CAPN2: variants seen among roughly 807,000 people sequenced by gnomAD.
CAPN2 encodes the protein calpain 2.
A neutral mutation model predicts 102.3 loss-of-function variants in CAPN2; 92 were observed. The observed-to-expected ratio is 0.90, with a 90% CI of 0.76 to 1.07. The LOEUF (loss-of-function observed/expected upper bound fraction) is 1.07. CAPN2 is among the 50% of genes least tolerant of loss of function. The pLI is 0.00. For missense variants in CAPN2, 800 were observed against 909.4 expected, an observed-to-expected ratio of 0.88 and a Z score of 1.55; for synonymous variants, 340 against 355.4, an observed-to-expected ratio of 0.96 and a Z score of 0.49.
rs1336568484 is a variant in CAPN2 at position 223,752,889 on chromosome 1, G to T, written c.1068G>T (p.Trp356Cys). 6.2e-7 allele frequency: 1 copy of T among 1,614,164 alleles called. No individual in the cohort carries two copies. Among genetic ancestry groups the T allele is most frequent in the African/African-American group, 1.3e-5 (1 of 75,028 alleles). The change falls in exon 9 of 21, where the codon TGG becomes TGT. Residue 356 changes from tryptophan (W) to cysteine (C), a missense_variant. Physicochemically the swap from Trp to Cys is radical, Grantham distance 215. Coordinates refer to ENST00000295006, the MANE Select transcript of CAPN2 (RefSeq NM_001748.5). The stretch of plus-strand genomic sequence containing the variant: ...TCACCAGCGATACCTACAAGAAGTG[G>T]AAACTCACCAAAATGGATGGGAACT... Reference protein sequence around the residue: ...DTLTSDTYKKWKLTKMDGNWR... With the variant: ...DTLTSDTYKKCKLTKMDGNWR...
intron 5 of CAPN2, among the ~76,000 whole-genome samples, chr1:223,748,664 CCT>C (rs1004575598): frequency 6.0e-5 from 9 of 149,148 alleles, no homozygotes; most frequent in African/African-American, 2.3e-4. Context: ...CCCCTCCGGC[CCT>C]CTCTCGGCCG....
chr1:223,717,139 A>T (rs1031887033), intron 1 of CAPN2, among the ~76,000 whole-genome samples: 1 of 152,202 alleles, frequency 6.6e-6, no homozygotes, highest in Non-Finnish European at 1.5e-5. Flanking sequence ...GGAAGAATTC[A>T]AAAGGGTTAG....
intron 2 of CAPN2, among the ~76,000 whole-genome samples, chr1:223,730,709 G>A (rs1489372298): frequency 6.6e-6 from 1 of 152,136 alleles, no homozygotes; most frequent in Non-Finnish European, 1.5e-5. Flanking sequence ...AGGATAAAAT[G>A]AGGCATGACG....
intron 14 of CAPN2, among the ~76,000 whole-genome samples, chr1:223,763,277 C>T (rs1225200851): frequency 1.3e-5 from 2 of 152,166 alleles, no homozygotes; most frequent in South Asian, 2.1e-4. Context: ...CTGGTACTCC[C>T]TTCGCTGACC....
At chr1:223,752,160 G>A in intron 8 of CAPN2, 89 bp downstream of exon 8, 1 of 924,940 alleles carries the variant, frequency 1.1e-6, no homozygotes, top group Admixed American at 2.1e-5. Context: ...GTCGGCCAAA[G>A]TGAGTTTACC....
intron 20 of CAPN2, among the ~76,000 whole-genome samples, chr1:223,773,600 G>A (rs757562472): frequency 6.6e-5 from 10 of 152,104 alleles, no homozygotes; most frequent in African/African-American, 9.7e-5. Context: ...AGGCTGAAGC[G>A]AAAGGATTGC....
intron 20 of CAPN2, chr1:223,772,987 G>A (rs1661522190): frequency 6.6e-6 from 1 of 152,258 alleles, no homozygotes; most frequent in African/African-American, 2.4e-5. Flanking sequence ...GACACTGGGT[G>A]AGAATGGCAG....
At chr1:223,719,208 T>G (rs1659962195) in intron 2 of CAPN2, among the ~76,000 whole-genome samples, 1 of 152,232 alleles carries the variant, frequency 6.6e-6, no homozygotes, top group East Asian at 1.9e-4. Context: ...GAAAATGGAA[T>G]TGATGGAAAC....
chr1:223,746,160 A>T (rs551335267), intron 4 of CAPN2, among the ~76,000 whole-genome samples: 10 of 152,224 alleles, frequency 6.6e-5, no homozygotes, highest in South Asian at 4.2e-4. Flanking sequence ...TACAGTCCCA[A>T]TCCAGGAAGG....
chr1:223,732,149 C>A lies in CAPN2; in HGVS notation c.308-11951C>A, dbSNP rs2102785962. 2.0e-5 allele frequency among the ~76,000 whole-genome samples: 3 copies of A among 152,158 alleles called. No homozygotes were observed. The Middle Eastern group carries it at 0.01, about 518-fold the overall frequency. ...GTGGAGACCTCTAGACGCTCAGGCC[C>A]AGGTCATAAACATGCCTCTCCATAC... is the stretch of plus-strand genomic sequence containing the variant. On this transcript the variant is annotated intron_variant, in intron 2 of 20. Coordinates refer to ENST00000295006, the MANE Select transcript of CAPN2 (RefSeq NM_001748.5).
intron 2 of CAPN2, among the ~76,000 whole-genome samples, chr1:223,721,376 T>C (rs1279648541): frequency 1.3e-5 from 2 of 152,224 alleles, no homozygotes; most frequent in African/African-American, 4.8e-5. Context: ...GAGCTGCTCC[T>C]ACCTCTGATG....
At position 223,727,350 on chromosome 1, in the gene CAPN2, T is replaced by C. The variant is rs1469725206; in HGVS notation, c.307+9519T>C. 1.3e-5 allele frequency among the ~76,000 whole-genome samples: 2 copies of C among 152,212 alleles called. No homozygotes were observed. Among genetic ancestry groups the C allele is most frequent in the African/African-American group, 2.4e-5 (1 of 41,458 alleles). On this transcript the variant is annotated intron_variant, in intron 2 of 20. Coordinates refer to ENST00000295006, the MANE Select transcript of CAPN2 (RefSeq NM_001748.5). This position sits in a 1 kb window ranked among gnomAD's most constrained non-coding sequence, Gnocchi z 4.1. ...TTGTAGGGGGCTGTCCTGTGAATTA[T>C]AGGATGTTTAGCTGCATCCTTGGCC...
At chr1:223,757,112 T>G (rs1351637523) in intron 10 of CAPN2, among the ~76,000 whole-genome samples, 1 of 152,240 alleles carries the variant, frequency 6.6e-6, no homozygotes, top group Admixed American at 6.5e-5. Context: ...CTTTGCCACC[T>G]TAGACAAGTC....
At chr1:223,752,680 T>C (rs1153964) in intron 8 of CAPN2, 116 bp from the exon 9 acceptor site, 34,484 of 920,850 alleles carry the variant, frequency 0.037, 3,708 homozygotes, top group African/African-American at 0.3. Context: ...ATCCACTCAG[T>C]TCTAATGAGC....
rs533729476 is a variant in CAPN2, at chr1:223,731,637, C to T, written c.308-12463C>T. ...CTCTAGACTGAGTACAGGCCTGGCA[C>T]GGAGCCAGGAATGCACCAACAAGGA... On this transcript the variant is annotated intron_variant, in intron 2 of 20. Transcript: ENST00000295006. The surrounding 1 kb of genome is among the most constrained non-coding windows in gnomAD (Gnocchi z 4.2). 2.0e-5 allele frequency among the ~76,000 whole-genome samples: 3 copies of T among 152,296 alleles called. No homozygotes were observed. Among genetic ancestry groups the T allele is most frequent in the Non-Finnish European group, 2.9e-5 (2 of 68,030 alleles).
At chr1:223,723,242 A>G (rs1660102645) in intron 2 of CAPN2, among the ~76,000 whole-genome samples, 1 of 152,144 alleles carries the variant, frequency 6.6e-6, no homozygotes, top group Non-Finnish European at 1.5e-5. Flanking sequence ...TGAGCCCAGG[A>G]GGTAGAAGCT....
chr1:223,750,611 A>T (rs1660862659), intron 6 of CAPN2, among the ~76,000 whole-genome samples: 1 of 152,228 alleles, frequency 6.6e-6, no homozygotes, highest in African/African-American at 2.4e-5. Flanking sequence ...AGTTAAGCTG[A>T]AGTTCAGAGA....
chr1:223,755,359 T>C lies in CAPN2; in HGVS notation c.1136-121T>C. Reference sequence around the variant, plus strand: ...CCACCTCTTACCATCTCCCACCACCTCCCACCATCTCCCTTTATCTCCATC... The same window carrying C: ...CCACCTCTTACCATCTCCCACCACCCCCCACCATCTCCCTTTATCTCCATC... On this transcript the variant is annotated intron_variant, in intron 9 of 20. Coordinates refer to ENST00000295006, the MANE Select transcript of CAPN2 (RefSeq NM_001748.5). The surrounding 1 kb of genome is among the most constrained non-coding windows in gnomAD (Gnocchi z 4.1). 1 of 915,384 alleles carries C rather than the reference T, an allele frequency of 1.1e-6. No homozygotes were observed. The highest frequency in any genetic ancestry group is 1.6e-5 in the South Asian group (1 of 61,650). 56.7% of individuals were successfully genotyped at this position (915,384 alleles called of 1,614,324 possible).
chr1:223,710,044 G>A (rs977128047), upstream of CAPN2, among the ~76,000 whole-genome samples: 3 of 152,124 alleles, frequency 2.0e-5, no homozygotes, highest in African/African-American at 2.4e-5. Context: ...GGAAGCTGAG[G>A]CAGGCGGATC....
Sources: allele counts gnomAD v4.1 joint callset (sites outside exome capture counted in the v4.1 genomes callset), GRCh38; gene constraint gnomAD v4.1.1; non-coding constraint Gnocchi (gnomAD v3.1); transcripts MANE v1.5; gene names NCBI Gene and HGNC (gene_info 2026-07-23, HGNC 2026-07-21).